Variants in CEP85 observed in about 807,000 individuals in gnomAD.
CEP85 encodes the protein centrosomal protein 85.
In CEP85, 58 loss-of-function variants were observed where a neutral mutation model predicts 93.7. That is an observed-to-expected ratio of 0.62 (90% CI 0.50 to 0.77). The LOEUF (loss-of-function observed/expected upper bound fraction) is 0.77, where lower values mean the gene tolerates loss of function less well. CEP85 is among the 30% of genes least tolerant of loss of function. The pLI, the probability that CEP85 is intolerant of heterozygous loss-of-function variation, is 0.00. For missense variants in CEP85, 868 were observed against 922.0 expected, an observed-to-expected ratio of 0.94 and a Z score of 0.76; for synonymous variants, 314 against 338.6, an observed-to-expected ratio of 0.93 and a Z score of 0.80.
chr1:26,267,361 C>T (rs1304563138), intron 7 of CEP85, among the ~76,000 whole-genome samples: 3 of 151,910 alleles, frequency 2.0e-5, no homozygotes, highest in African/African-American at 7.3e-5. Flanking sequence ...GTCAGGGGTT[C>T]GAGACCAGCC....
chr1:26,269,511 C>G lies in CEP85; in HGVS notation c.1546C>G (p.Leu516Val), dbSNP rs776360857. ...AGAGCTGCAGGAGAAAGTGACTGAG[C>G]TGGAGAGTTTGCTGGAGGAGACCCA... ...STELQEKVTE[L>V]ESLLEETQAI... The change falls in exon 9 of 14, where the codon CTG (leucine) becomes GTG (valine). Residue 516 changes from leucine to valine, a missense_variant. Physicochemically the swap from Leu to Val is conservative, Grantham distance 32. Coordinates refer to ENST00000451429, the MANE Select transcript of CEP85 (RefSeq NM_001319944.2). 1 of 1,614,012 alleles carries G rather than the reference C, an allele frequency of 6.2e-7. No individual in the cohort carries two copies. Among genetic ancestry groups the G allele is most frequent in the South Asian group, 1.1e-5 (1 of 91,086 alleles).
At chr1:26,236,006 T>G (rs1371801958) in intron 1 of CEP85, among the ~76,000 whole-genome samples, 1 of 152,338 alleles carries the variant, frequency 6.6e-6, no homozygotes. Context: ...CTTTTACTGC[T>G]CATATAATTG....
chr1:26,269,369 G>A lies in CEP85; in HGVS notation c.1495-91G>A, dbSNP rs898282704. On this transcript the variant is annotated intron_variant, in intron 8 of 13. Coordinates refer to ENST00000451429, the MANE Select transcript of CEP85 (RefSeq NM_001319944.2). ...TGCTGAGGAAATTAAATATAGGTTTGAGTGCTATTTCTTTGTGACACCGAG... is the reference window on the plus strand; with the variant it reads ...TGCTGAGGAAATTAAATATAGGTTTAAGTGCTATTTCTTTGTGACACCGAG... The A allele has an allele frequency of 2.6e-5, 33 of 1,277,192 alleles. No homozygotes were observed. In the African/African-American group the frequency reaches 4.6e-4, roughly 18 times the overall value. The allele number at this position is 1,277,192 out of a possible 1,614,324, so 79.1% of individuals were successfully genotyped here. A position where few individuals can be genotyped will look rare whatever the true frequency, so the allele number is the denominator to read the frequency against.
In CEP85 at chr1:26,259,678, G is replaced by A; in HGVS notation, c.1217G>A (p.Ser406Asn). The A allele has an allele frequency of 6.2e-7, 1 of 1,614,084 alleles. No homozygotes were observed. Among genetic ancestry groups the A allele is most frequent in the Middle Eastern group, 1.6e-4 (1 of 6,062 alleles). ...AQFAQKTEAL[S>N]REKIDLEKKL... The stretch of plus-strand genomic sequence containing the variant: ...TTTGCACAGAAGACAGAAGCCTTGA[G>A]CAGAGAAAAGATTGACCTTGAAAAG... Residue 406 changes from serine (S) to asparagine (N), a missense_variant, in exon 7 of 14, where the codon AGC (serine) becomes AAC (asparagine). Coordinates refer to ENST00000451429, the MANE Select transcript of CEP85 (RefSeq NM_001319944.2).
In CEP85 at chr1:26,259,780, A is replaced by T. The variant is rs752354101; in HGVS notation, c.1319A>T (p.Glu440Val). 2.1e-5 allele frequency: 34 copies of T among 1,611,866 alleles called. No homozygotes were observed. The highest frequency in any genetic ancestry group is 1.7e-5 in the Non-Finnish European group (20 of 1,179,292). Reference sequence around the variant, plus strand: ...GTGGCGTTGCAGAAGCATTCTGAGGAAGTGAAGAAACAGGAAGAAAGGGTG... The same window carrying T: ...GTGGCGTTGCAGAAGCATTCTGAGGTAGTGAAGAAACAGGAAGAAAGGGTG... ...LKVALQKHSE[E>V]VKKQEERVKG... The change falls in exon 7 of 14, where the codon GAA (glutamate) becomes GTA (valine). Residue 440 changes from glutamate to valine, a missense_variant. Glu to Val is a moderately radical substitution (Grantham distance 121, BLOSUM62 -2). Transcript: ENST00000451429.
chr1:26,243,690 C>G (rs1400808823), intron 2 of CEP85, among the ~76,000 whole-genome samples: 1 of 152,088 alleles, frequency 6.6e-6, no homozygotes, highest in African/African-American at 2.4e-5. Flanking sequence ...ACTTCTCATA[C>G]TATTTCCACT....
At chr1:26,253,535 G>A (rs1485544756) in intron 3 of CEP85, among the ~76,000 whole-genome samples, 7 of 151,600 alleles carry the variant, frequency 4.6e-5, no homozygotes, top group East Asian at 2.0e-4. Flanking sequence ...GACTACAGGC[G>A]CGTGCCACCA....
At chr1:26,257,142 A>G (rs149396901) in intron 4 of CEP85, among the ~76,000 whole-genome samples, 27 of 152,084 alleles carry the variant, frequency 1.8e-4, no homozygotes, top group African/African-American at 5.8e-4. Flanking sequence ...CCTGTTGCCC[A>G]TGCTGGTTTA....
chr1:26,244,017 A>T (rs896295704), intron 2 of CEP85, 149 bp from the exon 3 acceptor site: 1 of 484,448 alleles, frequency 2.1e-6, no homozygotes, highest in Non-Finnish European at 3.5e-6. Flanking sequence ...AAAAAAAAAA[A>T]CTAGATCGGA....
At chr1:26,275,345 A>G (rs2090038536) in intron 12 of CEP85, among the ~76,000 whole-genome samples, 1 of 151,328 alleles carries the variant, frequency 6.6e-6, no homozygotes, top group Admixed American at 6.6e-5. Context: ...CAGTGGCGCA[A>G]TCTCGGCTCA....
intron 2 of CEP85, 90 bp from the exon 3 acceptor site, chr1:26,244,076 C>T: frequency 2.6e-6 from 3 of 1,172,068 alleles, no homozygotes; most frequent in Non-Finnish European, 3.5e-6. Context: ...TGCTGCTATT[C>T]TCTTAGGTTT....
At chr1:26,275,663 C>G (rs1416983315) in intron 12 of CEP85, among the ~76,000 whole-genome samples, 1 of 152,068 alleles carries the variant, frequency 6.6e-6, no homozygotes, top group South Asian at 2.1e-4. Flanking sequence ...GTGGAGAGTT[C>G]AAGAAGACTG....
chr1:26,244,073 A>C (rs963000623), intron 2 of CEP85, 93 bp from the exon 3 acceptor site: 2 of 1,136,900 alleles, frequency 1.8e-6, no homozygotes, highest in Non-Finnish European at 2.5e-6. Flanking sequence ...GGTTGCTGCT[A>C]TTCTCTTAGG....
At chr1:26,274,431 G>C (rs1221636791) in intron 11 of CEP85, among the ~76,000 whole-genome samples, 1 of 152,204 alleles carries the variant, frequency 6.6e-6, no homozygotes, top group Non-Finnish European at 1.5e-5. Flanking sequence ...GTGGAGCGAA[G>C]GATCATGTGC....
intron 9 of CEP85, among the ~76,000 whole-genome samples, chr1:26,269,943 C>T (rs1284787186): frequency 5.9e-5 from 9 of 152,034 alleles, no homozygotes; most frequent in African/African-American, 2.2e-4. Context: ...CCCGCCACTG[C>T]GCCTGGCTAA....
At position 26,244,338 on chromosome 1, in the gene CEP85, T is replaced by C. The variant is rs774036383; in HGVS notation, c.208+20T>C. 43 of 1,606,862 alleles carry C rather than the reference T, an allele frequency of 2.7e-5. No individual in the cohort carries two copies. In the East Asian group the frequency reaches 9.6e-4, roughly 36 times the overall value. ...CGGAGGGTAAGTTTGTATTAATGAT[T>C]TGATTACCAATATGTGTTCTCATTT... On this transcript the variant is annotated intron_variant, in intron 3 of 13. Coordinates refer to ENST00000451429, the MANE Select transcript of CEP85 (RefSeq NM_001319944.2).
chr1:26,276,258 T>C (rs1293066629), intron 12 of CEP85, among the ~76,000 whole-genome samples: 6 of 152,208 alleles, frequency 3.9e-5, no homozygotes, highest in Non-Finnish European at 1.5e-5. Context: ...CTTCTCTGGT[T>C]CTTGAACAGA....
At chr1:26,266,991 G>A (rs1300517656) in intron 7 of CEP85, among the ~76,000 whole-genome samples, 2 of 152,178 alleles carry the variant, frequency 1.3e-5, no homozygotes, top group Admixed American at 6.5e-5. Context: ...CTGGTTATAT[G>A]TCTTATCAGA....
At chr1:26,259,566 A>G (rs779602782) in intron 6 of CEP85, 51 bp from the exon 7 acceptor site, 5 of 1,472,054 alleles carry the variant, frequency 3.4e-6, no homozygotes, top group Non-Finnish European at 4.6e-6. Flanking sequence ...AGTAAAGTAC[A>G]TGAGACTATA....
Sources: gnomAD v4.1 joint callset for allele counts (sites outside exome capture counted in the v4.1 genomes callset) on GRCh38, gnomAD v4.1.1 for gene constraint, MANE v1.5 for transcripts, NCBI Gene and HGNC (gene_info 2026-07-23, HGNC 2026-07-21) for gene names.